Variants in ST6GALNAC4 observed in about 807,000 individuals in gnomAD.
ST6GALNAC4 encodes alpha-N-acetyl-neuraminyl-2,3-beta-galactosyl-1,3-N-acetyl-galactosaminide alpha-2,6-sialyltransferase.
ST6GALNAC4 carries 24 observed loss-of-function variants against 30.4 expected under a neutral mutation model. That is an observed-to-expected ratio of 0.79 (90% CI 0.57 to 1.11). The LOEUF (loss-of-function observed/expected upper bound fraction) is 1.11, where lower values mean the gene tolerates loss of function less well. ST6GALNAC4 is among the 50% of genes most tolerant of loss of function. ST6GALNAC4 has a pLI of 0.00. For synonymous variants in ST6GALNAC4, 156 were observed against 179.7 expected (o/e 0.87, Z 1.05); for missense variants, 365 against 430.1 (o/e 0.85, Z 1.34).
At position 127,912,302 on chromosome 9, in the gene ST6GALNAC4, C is replaced by T. The variant is rs371676162; in HGVS notation, c.577G>A (p.Asp193Asn). 38 of 1,612,972 alleles carry T rather than the reference C, an allele frequency of 2.4e-5. No homozygotes were observed. Among genetic ancestry groups the T allele is most frequent in the Non-Finnish European group, 3.0e-5 (35 of 1,179,542 alleles). ...TFTERMMAYC[D>N]QIFQDETGKN... ...CCCGTCTCGTCCTGGAAGATCTGGT[C>T]GCAGTAGGCCATCATGCGCTCCGTG... The change falls in exon 4 of 6, where the codon GAC (aspartate) becomes AAC (asparagine). Residue 193 changes from aspartate to asparagine, a missense_variant. Transcript: ENST00000335791.
At chr9:127,913,818 C>A (rs1831131305) in intron 3 of ST6GALNAC4, among the ~76,000 whole-genome samples, 1 of 151,972 alleles carries the variant, frequency 6.6e-6, no homozygotes, top group African/African-American at 2.4e-5. Flanking sequence ...AGGGCTAGGG[C>A]AGGCACATGG....
chr9:127,913,729 G>A (rs989507387), intron 3 of ST6GALNAC4, among the ~76,000 whole-genome samples: 1 of 152,232 alleles, frequency 6.6e-6, no homozygotes, highest in African/African-American at 2.4e-5. Context: ...AGGAGTTCAA[G>A]ACCTGCCTAG....
chr9:127,909,205 T>C (rs1306217168), intron 5 of ST6GALNAC4, among the ~76,000 whole-genome samples: 1 of 151,928 alleles, frequency 6.6e-6, no homozygotes, highest in East Asian at 1.9e-4. Flanking sequence ...CTGGCCAACA[T>C]GATGAAACCC....
chr9:127,908,587 G>T lies in ST6GALNAC4; in HGVS notation c.720-6C>A. ...CTGAGGGGTGGCTCTTCTCCCTGCGGGGTGGGGAACAGGGCTGGGGTGGGA... is the reference window on the plus strand; with the variant it reads ...CTGAGGGGTGGCTCTTCTCCCTGCGTGGTGGGGAACAGGGCTGGGGTGGGA... On this transcript the variant is annotated splice_region_variant and splice_polypyrimidine_tract_variant and intron_variant, in intron 5 of 5. Transcript: ENST00000335791. 6.4e-7 allele frequency: 1 copy of T among 1,566,476 alleles called. No individual in the cohort carries two copies. Among genetic ancestry groups the T allele is most frequent in the Non-Finnish European group, 8.7e-7 (1 of 1,146,682 alleles).
At position 127,912,381 on chromosome 9, in the gene ST6GALNAC4, G is replaced by A. The variant is rs1421169652; in HGVS notation, c.498C>T (p.Tyr166=). ...TCCTGGTGAGCTGCAGCAGCGTGCG[G>A]TAGGTGCGGCCGCCGAGCACCCGGT... The part of the protein sequence containing the change: ...HMDRVLGGRT[Y]RTLLQLTRMY... Residue 166 remains tyrosine (Y), a synonymous_variant, in exon 4 of 6, where the codon TAC becomes TAT. Coordinates refer to ENST00000335791, the MANE Select transcript of ST6GALNAC4 (RefSeq NM_175039.4). 6.2e-7 allele frequency: 1 copy of A among 1,614,034 alleles called. No individual in the cohort carries two copies. The highest frequency in any genetic ancestry group is 1.3e-5 in the African/African-American group (1 of 74,940).
Position 127,908,450 on chromosome 9 carries a change from GA to G in ST6GALNAC4, c.850del (p.Ser284ProfsTer62). The G allele has an allele frequency of 6.2e-7, 1 of 1,603,984 alleles. No individual in the cohort carries two copies. The highest frequency in any genetic ancestry group is 8.5e-7 in the Non-Finnish European group (1 of 1,172,580). On this transcript the variant is annotated frameshift_variant, in exon 6 of 6. Transcript: ENST00000335791. LOFTEE classifies it high-confidence loss of function. ...GATGGGCCTCTTCTTGGCCCAGCGG[GA>G]GAAGACCGCCTTCTCAGTGATGAAG... ...HRFITEKAVFSRWAKKRPIVF... is the reference protein window; with the variant it reads ...HRFITEKAVFXRWAKKRPIVF...
In ST6GALNAC4 at chr9:127,910,244, G is replaced by A. The variant is rs1265800149; in HGVS notation, c.612-186C>T. The stretch of plus-strand genomic sequence containing the variant: ...GCCAGCAGTGGGTGACAGGCAGAGC[G>A]GCACACAAACCCAGGCCTGATCACC... On this transcript the variant is annotated intron_variant, in intron 4 of 5. Coordinates refer to ENST00000335791, the MANE Select transcript of ST6GALNAC4 (RefSeq NM_175039.4). 2.3e-5 allele frequency: 32 copies of A among 1,397,302 alleles called. No individual in the cohort carries two copies. The East Asian group carries it at 3.8e-4, about 17-fold the overall frequency. The allele number at this position is 1,397,302 out of a possible 1,614,324, so 86.6% of individuals were successfully genotyped here. A position where few individuals can be genotyped will look rare whatever the true frequency, so the allele number is the denominator to read the frequency against.
At chr9:127,914,916 C>A in intron 2 of ST6GALNAC4, 75 bp from the exon 3 acceptor site, 1 of 1,337,728 alleles carries the variant, frequency 7.5e-7, no homozygotes, top group Non-Finnish European at 9.8e-7. Context: ...CTGCACCTGG[C>A]CTCCTGGGTC....
intron 5 of ST6GALNAC4, 85 bp from the exon 6 acceptor site, chr9:127,908,666 C>T: frequency 7.6e-7 from 1 of 1,323,760 alleles, no homozygotes; most frequent in Non-Finnish European, 1.0e-6. Context: ...CCACCCCTCG[C>T]CAGGCCCATG....
intron 2 of ST6GALNAC4, among the ~76,000 whole-genome samples, chr9:127,915,085 G>A (rs1831165908): frequency 6.6e-6 from 1 of 152,140 alleles, no homozygotes; most frequent in Non-Finnish European, 1.5e-5. Context: ...GCAGTTTGGA[G>A]TGAAGTGTGT....
chr9:127,913,327 G>A (rs1055151250), intron 3 of ST6GALNAC4, among the ~76,000 whole-genome samples: 3 of 152,258 alleles, frequency 2.0e-5, no homozygotes, highest in African/African-American at 7.2e-5. Context: ...GCTCACGCCT[G>A]TAATCCCAGC....
chr9:127,908,282 G>A lies in ST6GALNAC4; in HGVS notation c.*110C>T, dbSNP rs112998296. The A allele has an allele frequency of 2.4e-5, 26 of 1,085,158 alleles. No individual in the cohort carries two copies. In the African/African-American group the frequency reaches 2.7e-4, roughly 11 times the overall value. The allele number at this position is 1,085,158 out of a possible 1,614,324, so 67.2% of individuals were successfully genotyped here. A position where few individuals can be genotyped will look rare whatever the true frequency, so the allele number is the denominator to read the frequency against. On this transcript the variant is annotated 3_prime_UTR_variant, in exon 6 of 6. Coordinates refer to ENST00000335791, the MANE Select transcript of ST6GALNAC4 (RefSeq NM_175039.4). The stretch of plus-strand genomic sequence containing the variant: ...AAGGAACCTTAGGTCCACCCAGCAC[G>A]TGGCAGGAGGCAGGATCCATAAATT...
Position 127,912,449 on chromosome 9 carries a change from G to C in ST6GALNAC4, c.430C>G (p.Arg144Gly), listed in dbSNP as rs756803578. ...CCCCACACCATGTAGAGCGTGTCTC[G>C]GGCCTTCTGGAAGTAGTGTGAATAG... Reference protein sequence around the residue: ...RNYSHYFQKARDTLYMVWGQG... With the variant: ...RNYSHYFQKAGDTLYMVWGQG... Residue 144 changes from arginine to glycine, a missense_variant, in exon 4 of 6, where the codon CGA becomes GGA. Transcript: ENST00000335791. The C allele has an allele frequency of 2.5e-6, 4 of 1,614,086 alleles. No homozygotes were observed. Among genetic ancestry groups the C allele is most frequent in the African/African-American group, 2.7e-5 (2 of 75,058 alleles).
intron 4 of ST6GALNAC4, 45 bp downstream of exon 4, chr9:127,912,223 G>T: frequency 6.4e-7 from 1 of 1,564,248 alleles, no homozygotes; most frequent in Non-Finnish European, 8.7e-7. Flanking sequence ...GAGAAGGAAG[G>T]CCCCAGCTGC....
intron 4 of ST6GALNAC4, chr9:127,910,357 C>T (rs745992503): frequency 1.1e-4 from 132 of 1,163,584 alleles, no homozygotes; most frequent in East Asian, 3.0e-4. Flanking sequence ...GCTCTGGCCA[C>T]GTCCTCTCCT....
At chr9:127,909,925 C>T (rs374272736) in intron 5 of ST6GALNAC4, 26 bp downstream of exon 5, 12 of 1,609,466 alleles carry the variant, frequency 7.5e-6, no homozygotes, top group Middle Eastern at 1.7e-4. Context: ...CCCGCGTCCC[C>T]GCGTGCCCGG....
intron 3 of ST6GALNAC4, among the ~76,000 whole-genome samples, chr9:127,914,082 TCAAA>T (rs376436042): frequency 2.9e-4 from 42 of 144,438 alleles, no homozygotes; most frequent in African/African-American, 8.3e-4. Flanking sequence ...TCTCTCTCTC[TCAAA>T]CAAACAAACA....
At chr9:127,909,389 CAA>C (rs199722185) in intron 5 of ST6GALNAC4, among the ~76,000 whole-genome samples, 5 of 103,952 alleles carry the variant, frequency 4.8e-5, no homozygotes, top group East Asian at 5.3e-4. Context: ...AACTCCATCT[CAA>C]AAAAAAAAAA....
intron 3 of ST6GALNAC4, 66 bp from the exon 4 acceptor site, chr9:127,912,746 C>A (rs1588676427): frequency 1.4e-6 from 2 of 1,447,630 alleles, no homozygotes; most frequent in East Asian, 2.5e-5. Context: ...CCCTGCAGCT[C>A]CCCCTGGAAT....
Sources: gnomAD v4.1 joint callset for allele counts (sites outside exome capture counted in the v4.1 genomes callset) on GRCh38, gnomAD v4.1.1 for gene constraint, MANE v1.5 for transcripts, NCBI Gene and HGNC (gene_info 2026-07-23, HGNC 2026-07-21) for gene names.